RBMS3: variants seen among roughly 807,000 people sequenced by gnomAD.
RBMS3 encodes RNA binding motif single stranded interacting protein 3, also known as RNA-binding motif, single-stranded-interacting protein 3.
In RBMS3, 27 loss-of-function variants were observed where a neutral mutation model predicts 66.8. That is an observed-to-expected ratio of 0.40 (90% CI 0.30 to 0.56). The LOEUF (loss-of-function observed/expected upper bound fraction) is 0.56, where lower values mean the gene tolerates loss of function less well. Among genes scored for constraint, RBMS3 ranks in the 20% least tolerant of loss-of-function variants. The probability of loss-of-function intolerance (pLI) is 0.40; values close to 1 mark genes in which losing one functional copy is unlikely to be tolerated. For missense variants in RBMS3, 513 were observed against 549.5 expected (o/e 0.93, Z 0.66); for synonymous variants, 188 against 183.0 (o/e 1.03, Z -0.22).
chr3:29,601,180 T>TAAG lies in RBMS3; in HGVS notation c.399+13976_399+13978dup, dbSNP rs1205174524. ...TACATAATAAAGATGTATAAATATATAAGTACATATAAATATATGAAAATT... is the reference window on the plus strand; with the variant it reads ...TACATAATAAAGATGTATAAATATATAAGAAGTACATATAAATATATGAAAATT... On this transcript the variant is annotated intron_variant, in intron 4 of 14. Coordinates refer to ENST00000383767, the MANE Select transcript of RBMS3 (RefSeq NM_001003793.3). Among the ~76,000 whole-genome samples, 6 of 151,760 alleles carry TAAG rather than the reference T, an allele frequency of 4.0e-5. No individual in the cohort carries two copies. The East Asian group carries it at 1.2e-3, about 29-fold the overall frequency.
intron 12 of RBMS3, among the ~76,000 whole-genome samples, chr3:29,956,391 A>G (rs966729714): frequency 3.9e-5 from 6 of 152,072 alleles, no homozygotes; most frequent in Admixed American, 3.3e-4. Context: ...ATATTTGCAC[A>G]TTCCTCGCTA....
At chr3:29,495,385 T>A (rs2043703773) in intron 3 of RBMS3, among the ~76,000 whole-genome samples, 1 of 152,014 alleles carries the variant, frequency 6.6e-6, no homozygotes, top group East Asian at 1.9e-4. Context: ...TGATGGAATA[T>A]TTATACATGT....
chr3:29,944,313 G>T (rs948288237), intron 12 of RBMS3, 59 bp downstream of exon 12: 17 of 1,437,370 alleles, frequency 1.2e-5, no homozygotes, highest in African/African-American at 8.5e-5. Context: ...AGGTTGCCTG[G>T]TTTTTTCCCA....
At chr3:29,919,087 T>C (rs1276511172) in intron 10 of RBMS3, among the ~76,000 whole-genome samples, 1 of 152,196 alleles carries the variant, frequency 6.6e-6, no homozygotes, top group East Asian at 1.9e-4. Flanking sequence ...AAAGAGTTTT[T>C]CCTGATTAAA....
intron 6 of RBMS3, among the ~76,000 whole-genome samples, chr3:29,791,120 A>ATTTTTG (rs976504961): frequency 2.6e-5 from 4 of 152,100 alleles, no homozygotes; most frequent in African/African-American, 7.2e-5. Flanking sequence ...AAATCCATTT[A>ATTTTTG]TTTTTGTTTT....
intron 8 of RBMS3, among the ~76,000 whole-genome samples, chr3:29,896,875 T>C (rs79640127): frequency 0.024 from 3,600 of 151,700 alleles, 153 homozygotes; most frequent in African/African-American, 0.082. Flanking sequence ...CCAACCTCGA[T>C]ACAAATTGTC....
intron 1 of RBMS3, among the ~76,000 whole-genome samples, chr3:29,419,272 C>A (rs1267235319): frequency 6.6e-6 from 1 of 152,164 alleles, no homozygotes; most frequent in Non-Finnish European, 1.5e-5. Flanking sequence ...CCTGTATAAA[C>A]TGTTCTACTT....
chr3:29,876,460 A>G (rs1360260875), intron 7 of RBMS3, among the ~76,000 whole-genome samples: 1 of 152,222 alleles, frequency 6.6e-6, no homozygotes, highest in Non-Finnish European at 1.5e-5. Context: ...TTATTCATGT[A>G]TTAATTCATT....
intron 1 of RBMS3, among the ~76,000 whole-genome samples, chr3:29,359,724 G>T (rs1290515916): frequency 3.3e-5 from 5 of 152,082 alleles, no homozygotes; most frequent in African/African-American, 1.2e-4. Flanking sequence ...CAATTTCAGA[G>T]CCTGTTATTG....
intron 4 of RBMS3, among the ~76,000 whole-genome samples, chr3:29,668,310 C>A (rs1487899580): frequency 6.6e-6 from 1 of 152,212 alleles, no homozygotes; most frequent in Non-Finnish European, 1.5e-5. Context: ...GGGTTACATA[C>A]CTGTCTAACA....
At chr3:29,623,202 C>T (rs987301964) in intron 4 of RBMS3, among the ~76,000 whole-genome samples, 1 of 149,064 alleles carries the variant, frequency 6.7e-6, no homozygotes, top group Non-Finnish European at 1.5e-5. Context: ...TTATTAATAG[C>T]GTATTTTAAT....
intron 3 of RBMS3, among the ~76,000 whole-genome samples, chr3:29,545,839 A>G (rs1364202277): frequency 6.6e-6 from 1 of 152,214 alleles, no homozygotes; most frequent in Non-Finnish European, 1.5e-5. Flanking sequence ...AGATTCCTAG[A>G]GAAAGCTCAA....
intron 3 of RBMS3, among the ~76,000 whole-genome samples, chr3:29,511,402 A>G (rs1182768448): frequency 6.6e-6 from 1 of 152,256 alleles, no homozygotes; most frequent in Non-Finnish European, 1.5e-5. Context: ...AACAGGCGAT[A>G]GCATAAAACT....
intron 14 of RBMS3, among the ~76,000 whole-genome samples, chr3:29,995,776 A>G (rs984672015): frequency 1.2e-4 from 18 of 152,234 alleles, no homozygotes; most frequent in Non-Finnish European, 2.9e-5. Flanking sequence ...AGCACTAAAC[A>G]TGGAAAGGAA....
intron 1 of RBMS3, among the ~76,000 whole-genome samples, chr3:29,410,630 C>T (rs2040225400): frequency 6.6e-6 from 1 of 152,080 alleles, no homozygotes; most frequent in South Asian, 2.1e-4. Context: ...CTTCAGATGC[C>T]AAAGAATAAA....
intron 9 of RBMS3, 96 bp downstream of exon 9, chr3:29,897,571 T>A (rs1208313654): frequency 3.7e-6 from 4 of 1,093,634 alleles, no homozygotes; most frequent in African/African-American, 3.1e-5. Flanking sequence ...AAGAAAAAAA[T>A]TCTCATACAC....
intron 10 of RBMS3, among the ~76,000 whole-genome samples, 193 bp downstream of exon 10, chr3:29,899,948 CAT>C (rs1292822190): frequency 6.6e-6 from 1 of 151,430 alleles, no homozygotes; most frequent in Non-Finnish European, 1.5e-5. Context: ...TCAACATAGA[CAT>C]AGAATCAGAT....
chr3:30,008,414 A>G lies in RBMS3; in HGVS notation c.*4552A>G, dbSNP rs1559887149. 6.6e-6 allele frequency: 1 copy of G among 152,144 alleles called. No homozygotes were observed. Among genetic ancestry groups the G allele is most frequent in the African/African-American group, 2.4e-5 (1 of 41,450 alleles). 9.4% of individuals were successfully genotyped at this position (152,144 alleles called of 1,614,324 possible). A position where few individuals can be genotyped will look rare whatever the true frequency, so the allele number is the denominator to read the frequency against. ...TCAAGTAAAGGGACAATGTTTATGT[A>G]CGTGTATAACAACATTCAGCACATT... On this transcript the variant is annotated 3_prime_UTR_variant, in exon 15 of 15. Transcript: ENST00000383767.
At chr3:29,971,988 C>T (rs141823703) in intron 12 of RBMS3, among the ~76,000 whole-genome samples, 161 of 152,210 alleles carry the variant, frequency 1.1e-3, no homozygotes, top group South Asian at 2.5e-3. Flanking sequence ...AATAGCCAAA[C>T]ATAATTGAGA....
Sources: gnomAD v4.1 joint callset for allele counts (sites outside exome capture counted in the v4.1 genomes callset) on GRCh38, gnomAD v4.1.1 for gene constraint, MANE v1.5 for transcripts, NCBI Gene and HGNC (gene_info 2026-07-23, HGNC 2026-07-21) for gene names.